Variants in PCED1B observed in about 807,000 individuals in gnomAD.
PCED1B encodes PC-esterase domain containing 1B, also known as PC-esterase domain-containing protein 1B.
For missense variants in PCED1B, 573 were observed against 573.9 expected (o/e 1.00, Z 0.02); for synonymous variants, 251 against 246.1 (o/e 1.02, Z -0.19).
At chr12:47,127,993 A>G (rs1159681671) in intron 2 of PCED1B, among the ~76,000 whole-genome samples, 1 of 152,232 alleles carries the variant, frequency 6.6e-6, no homozygotes, top group Admixed American at 6.5e-5. Flanking sequence ...TTGTAGGAGA[A>G]CAGTGCTGTC....
chr12:47,202,972 CTTT>C (rs59472089), intron 2 of PCED1B, among the ~76,000 whole-genome samples: 1 of 142,648 alleles, frequency 7.0e-6, no homozygotes. Flanking sequence ...TCTTTTCTTT[CTTT>C]TTTTTTTTTT....
chr12:47,091,007 A>G (rs1343807473), intron 1 of PCED1B, among the ~76,000 whole-genome samples: 3 of 151,874 alleles, frequency 2.0e-5, no homozygotes, highest in Non-Finnish European at 4.4e-5. Flanking sequence ...ATTCCCCCCG[A>G]TTCTAATTCT....
chr12:47,106,897 C>T (rs1442614593), intron 2 of PCED1B, among the ~76,000 whole-genome samples: 1 of 152,250 alleles, frequency 6.6e-6, no homozygotes, highest in Non-Finnish European at 1.5e-5. Flanking sequence ...GGGCCCGCAG[C>T]CTTCCCTTTG....
chr12:47,101,412 C>A (rs558961879), intron 1 of PCED1B, among the ~76,000 whole-genome samples: 41 of 152,280 alleles, frequency 2.7e-4, no homozygotes, highest in Non-Finnish European at 5.3e-4. Flanking sequence ...AAATGAATTT[C>A]CTTCAGTGCC....
intron 2 of PCED1B, among the ~76,000 whole-genome samples, chr12:47,211,063 T>G (rs571442438): frequency 6.6e-6 from 1 of 152,340 alleles, no homozygotes; most frequent in South Asian, 2.1e-4. Flanking sequence ...ATTTTCATTT[T>G]CATGTTTTCA....
intron 2 of PCED1B, among the ~76,000 whole-genome samples, chr12:47,137,035 G>T (rs1378855990): frequency 6.6e-6 from 1 of 152,144 alleles, no homozygotes; most frequent in African/African-American, 2.4e-5. Context: ...CTAATTAAAA[G>T]AACTCATGAA....
chr12:47,138,840 C>A (rs952271695), intron 2 of PCED1B, among the ~76,000 whole-genome samples: 2 of 152,172 alleles, frequency 1.3e-5, no homozygotes, highest in African/African-American at 4.8e-5. Context: ...CACTTGTTTA[C>A]CATCTTGAAT....
At chr12:47,118,048 TTGA>T (rs1279711267) in intron 2 of PCED1B, among the ~76,000 whole-genome samples, 13 of 149,444 alleles carry the variant, frequency 8.7e-5, no homozygotes, top group African/African-American at 2.6e-4. Context: ...ATGGGGTTGT[TTGA>T]TTTTTTGTTG....
chr12:47,126,597 G>A (rs1939897584), intron 2 of PCED1B, among the ~76,000 whole-genome samples: 1 of 151,908 alleles, frequency 6.6e-6, no homozygotes, highest in South Asian at 2.1e-4. Context: ...TTAAATATTT[G>A]GTCAGATTTA....
chr12:47,182,542 G>A (rs1435371124), intron 2 of PCED1B, among the ~76,000 whole-genome samples: 1 of 150,590 alleles, frequency 6.6e-6, no homozygotes, highest in Admixed American at 6.6e-5. Flanking sequence ...AGTGAGCCGA[G>A]ATCACGCCAC....
At chr12:47,224,178 T>C (rs1489670765) in intron 3 of PCED1B, 1 of 152,226 alleles carries the variant, frequency 6.6e-6, no homozygotes, top group East Asian at 1.9e-4. Flanking sequence ...ATGAAATGCT[T>C]TGATTATTTA....
intron 3 of PCED1B, among the ~76,000 whole-genome samples, chr12:47,233,751 C>G (rs1943883275): frequency 6.6e-6 from 1 of 152,168 alleles, no homozygotes; most frequent in African/African-American, 2.4e-5. Context: ...GGGCAGATAA[C>G]TCTTCCTGCA....
chr12:47,228,334 C>T (rs549908809), intron 3 of PCED1B, among the ~76,000 whole-genome samples: 1 of 152,128 alleles, frequency 6.6e-6, no homozygotes, highest in African/African-American at 2.4e-5. Flanking sequence ...TGCCTGGGTT[C>T]TTCTGAATTC....
chr12:47,085,534 G>A (rs1361607648), intron 1 of PCED1B, among the ~76,000 whole-genome samples: 2 of 152,144 alleles, frequency 1.3e-5, no homozygotes, highest in African/African-American at 4.8e-5. Context: ...AAATAAATTC[G>A]GGTACATCCA....
At chr12:47,217,523 G>GAAAGAGAGAGAA (rs879668082) in intron 3 of PCED1B, among the ~76,000 whole-genome samples, 2 of 115,656 alleles carry the variant, frequency 1.7e-5, no homozygotes, top group African/African-American at 4.7e-5. Flanking sequence ...AAAGAAGAAA[G>GAAAGAGAGAGAA]AGAAAGAGAG....
At chr12:47,159,113 A>T (rs1035017789) in intron 2 of PCED1B, among the ~76,000 whole-genome samples, 33 of 152,164 alleles carry the variant, frequency 2.2e-4, no homozygotes, top group Admixed American at 2.2e-3. Flanking sequence ...TCCATTATGT[A>T]TATATGCCAC....
intron 3 of PCED1B, among the ~76,000 whole-genome samples, chr12:47,226,563 C>A (rs1338150768): frequency 6.6e-6 from 1 of 152,088 alleles, no homozygotes; most frequent in African/African-American, 2.4e-5. Flanking sequence ...TTGGTAGACA[C>A]GGGGTTTCAA....
chr12:47,176,889 A>G (rs559457252), intron 2 of PCED1B, among the ~76,000 whole-genome samples: 16 of 152,318 alleles, frequency 1.1e-4, no homozygotes, highest in African/African-American at 3.8e-4. Context: ...TATTGTTCAC[A>G]GAAGCATTGA....
intron 2 of PCED1B, among the ~76,000 whole-genome samples, chr12:47,198,734 G>C (rs758919925): frequency 1.3e-5 from 2 of 152,118 alleles, no homozygotes; most frequent in Non-Finnish European, 2.9e-5. Context: ...GGTGGCCAAG[G>C]CAGGCGGATC....
Sources: allele counts gnomAD v4.1 joint callset (sites outside exome capture counted in the v4.1 genomes callset), GRCh38; gene constraint gnomAD v4.1.1; transcripts MANE v1.5; gene names NCBI Gene and HGNC (gene_info 2026-07-23, HGNC 2026-07-21).